MAPK10: variants seen among roughly 807,000 people sequenced by gnomAD.
The protein encoded by MAPK10 is mitogen-activated protein kinase 10.
MAPK10 carries 25 observed loss-of-function variants against 59.3 expected under a neutral mutation model. The ratio of observed to expected loss-of-function variants is 0.42; its 90% CI spans 0.31 to 0.59. MAPK10 has a LOEUF of 0.59. Ranked by LOEUF, MAPK10 falls within the 20% of genes least tolerant of loss-of-function variation. The pLI is 0.15. For synonymous variants in MAPK10, 190 were observed against 200.5 expected, an observed-to-expected ratio of 0.95 and a Z score of 0.44; for missense variants, 351 against 568.9, an observed-to-expected ratio of 0.62 and a Z score of 3.90.
At chr4:86,412,948 G>A (rs1160005767) in intron 1 of MAPK10, among the ~76,000 whole-genome samples, 1 of 152,140 alleles carries the variant, frequency 6.6e-6, no homozygotes, top group African/African-American at 2.4e-5. Context: ...TCCCTTGCTG[G>A]CAAGGAGCTG....
intron 4 of MAPK10, among the ~76,000 whole-genome samples, chr4:86,156,494 C>G (rs2067819625): frequency 6.6e-6 from 1 of 151,970 alleles, no homozygotes; most frequent in Non-Finnish European, 1.5e-5. Context: ...AATAATATGG[C>G]TTCACTTCCT....
At chr4:86,398,501 T>C (rs942586630) in intron 1 of MAPK10, among the ~76,000 whole-genome samples, 2 of 152,174 alleles carry the variant, frequency 1.3e-5, no homozygotes, top group African/African-American at 4.8e-5. Context: ...GTCTGCAGAG[T>C]CCATGCACTG....
intron 2 of MAPK10, among the ~76,000 whole-genome samples, chr4:86,238,224 T>C (rs2092431136): frequency 1.3e-5 from 2 of 152,208 alleles, no homozygotes; most frequent in African/African-American, 4.8e-5. Context: ...TTTGTACCAA[T>C]ACCATACTGT....
chr4:86,103,778 C>A (rs1171839026), intron 5 of MAPK10, among the ~76,000 whole-genome samples: 1 of 151,314 alleles, frequency 6.6e-6, no homozygotes, highest in Non-Finnish European at 1.5e-5. Context: ...TAGATGATAT[C>A]AATGATGGAT....
At chr4:86,240,812 T>C (rs182390238) in intron 2 of MAPK10, among the ~76,000 whole-genome samples, 1 of 152,344 alleles carries the variant, frequency 6.6e-6, no homozygotes, top group Admixed American at 6.5e-5. Context: ...TCTGTATCTT[T>C]TAATTGGGGC....
At chr4:86,132,547 T>C (rs2061198716) in intron 4 of MAPK10, among the ~76,000 whole-genome samples, 1 of 152,288 alleles carries the variant, frequency 6.6e-6, no homozygotes, top group African/African-American at 2.4e-5. Flanking sequence ...CTATTCCAAT[T>C]CCTTTAACTT....
chr4:86,336,397 C>T (rs1219844225), intron 2 of MAPK10: 5 of 152,140 alleles, frequency 3.3e-5, no homozygotes, highest in African/African-American at 1.2e-4. Flanking sequence ...GTAAGTGATC[C>T]TTGAGAACTT....
intron 4 of MAPK10, among the ~76,000 whole-genome samples, chr4:86,108,971 G>A (rs1012717613): frequency 7.9e-5 from 12 of 152,128 alleles, no homozygotes; most frequent in South Asian, 4.1e-4. Context: ...TTCAAGTCCC[G>A]TTACTATCTG....
At chr4:86,309,889 C>A (rs1373777864) in intron 2 of MAPK10, among the ~76,000 whole-genome samples, 1 of 152,182 alleles carries the variant, frequency 6.6e-6, no homozygotes, top group Non-Finnish European at 1.5e-5. Context: ...CACCACTATC[C>A]TTTGAACTGT....
chr4:86,489,036 T>C (rs182864532), intron 1 of MAPK10, among the ~76,000 whole-genome samples: 1 of 152,198 alleles, frequency 6.6e-6, no homozygotes, highest in Non-Finnish European at 1.5e-5. Context: ...CCAGTGTTAA[T>C]GTGGAGGCCA....
At chr4:86,029,746 T>C (rs551559038) in intron 12 of MAPK10, among the ~76,000 whole-genome samples, 1 of 152,258 alleles carries the variant, frequency 6.6e-6, no homozygotes, top group Admixed American at 6.5e-5. Flanking sequence ...TTATTTCCTA[T>C]GAAATGCACA....
chr4:86,360,258 T>C (rs1248003050), upstream of MAPK10: 1 of 969,334 alleles, frequency 1.0e-6, no homozygotes, highest in Non-Finnish European at 1.2e-6. Context: ...ATAAGGTTCG[T>C]CGGCAGCCAA....
chr4:86,077,515 A>G (rs370615612), intron 9 of MAPK10, among the ~76,000 whole-genome samples: 8 of 152,342 alleles, frequency 5.3e-5, no homozygotes, highest in South Asian at 4.1e-4. Context: ...AAGTGGAATC[A>G]TAAGGAACTA....
chr4:86,525,236 G>A (rs1757393057), intron 1 of MAPK10, among the ~76,000 whole-genome samples: 1 of 152,110 alleles, frequency 6.6e-6, no homozygotes, highest in Admixed American at 6.5e-5. Flanking sequence ...GGCAGAGGCT[G>A]CAGTGAGCCA....
At chr4:86,095,130 T>C (rs2053989901) in intron 9 of MAPK10, 2 of 151,656 alleles carry the variant, frequency 1.3e-5, no homozygotes, top group Admixed American at 1.3e-4. Flanking sequence ...GAAAAGCAAA[T>C]ATGTATTGTT....
chr4:86,064,507 G>T, intron 10 of MAPK10, 117 bp from the exon 11 acceptor site: 1 of 943,310 alleles, frequency 1.1e-6, no homozygotes, highest in Non-Finnish European at 1.6e-6. Flanking sequence ...CAAACATCAG[G>T]TAAATCCCTT....
intron 2 of MAPK10, among the ~76,000 whole-genome samples, chr4:86,319,582 G>A (rs2095851658): frequency 6.6e-6 from 1 of 152,158 alleles, no homozygotes; most frequent in Non-Finnish European, 1.5e-5. Flanking sequence ...CAGCTGCAGT[G>A]GACAGTTCCA....
intron 1 of MAPK10, among the ~76,000 whole-genome samples, chr4:86,567,881 G>A (rs919003426): frequency 1.3e-5 from 2 of 152,132 alleles, no homozygotes; most frequent in African/African-American, 4.8e-5. Context: ...TATATGTGAA[G>A]TATTATTATT....
intron 4 of MAPK10, among the ~76,000 whole-genome samples, chr4:86,147,978 C>A (rs1352820335): frequency 1.3e-5 from 2 of 152,124 alleles, no homozygotes; most frequent in South Asian, 4.1e-4. Context: ...ACATACTATA[C>A]ACACATTCAA....
Sources: allele counts gnomAD v4.1 joint callset (sites outside exome capture counted in the v4.1 genomes callset), GRCh38; gene constraint gnomAD v4.1.1; transcripts MANE v1.5; gene names NCBI Gene and HGNC (gene_info 2026-07-23, HGNC 2026-07-21).